The following TRAK2 variants were observed in gnomAD, a reference collection of about 807,000 sequenced individuals.
TRAK2 encodes the protein trafficking kinesin-binding protein 2.
A neutral mutation model predicts 104.6 loss-of-function variants in TRAK2; 81 were observed. That is an observed-to-expected ratio of 0.77 (90% CI 0.65 to 0.93). The LOEUF (loss-of-function observed/expected upper bound fraction) is 0.93. Among genes scored for constraint, TRAK2 ranks in the 40% least tolerant of loss-of-function variants. TRAK2 has a pLI of 0.00. For missense variants in TRAK2, 1,002 were observed against 1,089.0 expected, an observed-to-expected ratio of 0.92 and a Z score of 1.12; for synonymous variants, 406 against 394.4, an observed-to-expected ratio of 1.03 and a Z score of -0.35.
Position 201,395,358 on chromosome 2 carries a change from AG to A in TRAK2, c.855del (p.Ser286LeufsTer7). 6.2e-7 allele frequency: 1 copy of A among 1,605,458 alleles called. No individual in the cohort carries two copies. Among genetic ancestry groups the A allele is most frequent in the South Asian group, 1.1e-5 (1 of 89,986 alleles). The stretch of plus-strand genomic sequence containing the variant: ...AGGTCTACAATCTGTGACAAAAGAG[AG>A]GAAAGCTCTTCTTGGTATCGAATCA... The part of the protein sequence containing the change: ...DELIRYQEEL[S>X]SLLSQIVDLQ... On this transcript the variant is annotated frameshift_variant, in exon 8 of 16. Transcript: ENST00000332624. LOFTEE classifies it high-confidence loss of function.
Position 201,395,356 on chromosome 2 carries a change from A to G in TRAK2, c.858T>C (p.Ser286=), listed in dbSNP as rs1339995823. ...GAAGGTCTACAATCTGTGACAAAAG[A>G]GAGGAAAGCTCTTCTTGGTATCGAA... is the stretch of plus-strand genomic sequence containing the variant. ...ELIRYQEELS[S]LLSQIVDLQH... is the part of the protein sequence containing the mutation. Residue 286 remains serine, a synonymous_variant, in exon 8 of 16, where the codon TCT becomes TCC. Transcript: ENST00000332624. The G allele has an allele frequency of 6.2e-7, 1 of 1,605,760 alleles. No individual in the cohort carries two copies. The highest frequency in any genetic ancestry group is 2.2e-5 in the East Asian group (1 of 44,762).
chr2:201,442,959 A>G (rs1164463740), intron 1 of TRAK2, among the ~76,000 whole-genome samples: 1 of 152,212 alleles, frequency 6.6e-6, no homozygotes, highest in Non-Finnish European at 1.5e-5. Flanking sequence ...AAGTAATTAA[A>G]TATAACTCAA....
At chr2:201,400,186 C>T (rs1476684820) in intron 4 of TRAK2, among the ~76,000 whole-genome samples, 1 of 151,880 alleles carries the variant, frequency 6.6e-6, no homozygotes, top group African/African-American at 2.4e-5. Flanking sequence ...AGGCTTCCAC[C>T]CAGAGTTATT....
At chr2:201,402,990 C>T (rs976557489) in intron 3 of TRAK2, among the ~76,000 whole-genome samples, 3 of 151,830 alleles carry the variant, frequency 2.0e-5, no homozygotes, top group African/African-American at 7.3e-5. Context: ...TTTTATACAA[C>T]GAGTTTAACA....
chr2:201,408,010 T>C (rs1951611507), intron 2 of TRAK2, among the ~76,000 whole-genome samples: 1 of 152,186 alleles, frequency 6.6e-6, no homozygotes. Context: ...AAATCCTACC[T>C]TTTATCTATT....
chr2:201,424,898 C>A (rs1355645777), intron 1 of TRAK2, among the ~76,000 whole-genome samples: 1 of 151,712 alleles, frequency 6.6e-6, no homozygotes, highest in Non-Finnish European at 1.5e-5. Context: ...TGAGCCACTG[C>A]GCCCGGCCTG....
At chr2:201,449,308 A>C (rs1245638107) in intron 1 of TRAK2, among the ~76,000 whole-genome samples, 5 of 152,158 alleles carry the variant, frequency 3.3e-5, no homozygotes, top group Admixed American at 3.3e-4. Flanking sequence ...TAGTTACCTG[A>C]TCTGTGACTT....
At chr2:201,388,404 T>C (rs1182692018) in intron 12 of TRAK2, among the ~76,000 whole-genome samples, 1 of 152,078 alleles carries the variant, frequency 6.6e-6, no homozygotes, top group Non-Finnish European at 1.5e-5. Context: ...AAAAAAACGC[T>C]ACGGATTAAA....
At chr2:201,385,726 T>A (rs955632922) in intron 14 of TRAK2, among the ~76,000 whole-genome samples, 2 of 152,244 alleles carry the variant, frequency 1.3e-5, no homozygotes, top group African/African-American at 4.8e-5. Flanking sequence ...ATGCTGATAA[T>A]GAGAATAAAG....
intron 1 of TRAK2, among the ~76,000 whole-genome samples, chr2:201,433,162 G>A (rs907101220): frequency 1.3e-5 from 2 of 152,126 alleles, no homozygotes; most frequent in African/African-American, 4.8e-5. Context: ...ACTCTATCAT[G>A]GCTTCAGTGC....
At chr2:201,428,625 T>C (rs55969121) in intron 1 of TRAK2, among the ~76,000 whole-genome samples, 9,141 of 152,320 alleles carry the variant, frequency 0.06, 584 homozygotes, top group East Asian at 0.26. Context: ...TTTATTATTT[T>C]GGCTTAGGAT....
At chr2:201,422,875 C>T (rs554995453) in intron 1 of TRAK2, among the ~76,000 whole-genome samples, 7 of 152,248 alleles carry the variant, frequency 4.6e-5, no homozygotes, top group African/African-American at 1.4e-4. Context: ...ATTTCAAACA[C>T]TTCTGTGGTT....
In TRAK2 at chr2:201,378,565, A is replaced by C. The variant is rs1951309177; in HGVS notation, c.*1978T>G. On this transcript the variant is annotated 3_prime_UTR_variant, in exon 16 of 16. Transcript: ENST00000332624. ...AGTCACTTTATGAAATACAAATTCAAATGGTATTTTTTAAAAGTGAATTGG... is the reference window on the plus strand; with the variant it reads ...AGTCACTTTATGAAATACAAATTCACATGGTATTTTTTAAAAGTGAATTGG... 1.3e-5 allele frequency: 2 copies of C among 152,174 alleles called. No homozygotes were observed. Among genetic ancestry groups the C allele is most frequent in the African/African-American group, 4.8e-5 (2 of 41,454 alleles). The allele number at this position is 152,174 out of a possible 1,614,324, so 9.4% of individuals were successfully genotyped here.
chr2:201,391,664 A>T (rs1314008297), intron 10 of TRAK2, among the ~76,000 whole-genome samples: 3 of 152,230 alleles, frequency 2.0e-5, no homozygotes, highest in African/African-American at 7.2e-5. Context: ...AAAAACCAGC[A>T]GATTACCTTA....
chr2:201,394,593 G>A (rs547928273), intron 9 of TRAK2, among the ~76,000 whole-genome samples: 18 of 152,146 alleles, frequency 1.2e-4, no homozygotes, highest in African/African-American at 3.9e-4. Context: ...CACCCACCTC[G>A]GCCTCCCAAA....
At chr2:201,419,718 T>C (rs888481447) in intron 2 of TRAK2, among the ~76,000 whole-genome samples, 10 of 151,948 alleles carry the variant, frequency 6.6e-5, no homozygotes, top group Admixed American at 2.0e-4. Flanking sequence ...TAAACATACC[T>C]CCAATGATAA....
At chr2:201,401,974 G>A (rs1951554545) in intron 3 of TRAK2, among the ~76,000 whole-genome samples, 1 of 152,026 alleles carries the variant, frequency 6.6e-6, no homozygotes, top group East Asian at 1.9e-4. Flanking sequence ...GTGTGAAAAG[G>A]ACAGGGGCTT....
intron 2 of TRAK2, chr2:201,411,073 T>C (rs1310725235): frequency 3.4e-6 from 4 of 1,172,428 alleles, no homozygotes; most frequent in South Asian, 1.2e-5. Flanking sequence ...ATCATGTCAA[T>C]GCCCATGGAA....
chr2:201,399,721 T>C (rs903477310), intron 4 of TRAK2, among the ~76,000 whole-genome samples: 3 of 152,138 alleles, frequency 2.0e-5, no homozygotes, highest in Non-Finnish European at 4.4e-5. Flanking sequence ...GACATCTCTT[T>C]TCTTGATATC....
Sources: gnomAD v4.1 joint callset for allele counts (sites outside exome capture counted in the v4.1 genomes callset) on GRCh38, gnomAD v4.1.1 for gene constraint, MANE v1.5 for transcripts, NCBI Gene and HGNC (gene_info 2026-07-23, HGNC 2026-07-21) for gene names.